The following ADGRG5 variants were observed in gnomAD, a reference collection of about 807,000 sequenced individuals.
ADGRG5 encodes adhesion G protein-coupled receptor G5, also known as G protein-coupled receptor 114.
A neutral mutation model predicts 53.2 loss-of-function variants in ADGRG5; 37 were observed. The observed-to-expected ratio is 0.70, with a 90% CI of 0.53 to 0.91. ADGRG5 has a LOEUF of 0.91. ADGRG5 is among the 40% of genes least tolerant of loss of function. The pLI is 0.00. For synonymous variants in ADGRG5, 277 were observed against 290.4 expected, an observed-to-expected ratio of 0.95 and a Z score of 0.47; for missense variants, 614 against 675.8, an observed-to-expected ratio of 0.91 and a Z score of 1.01.
intron 7 of ADGRG5, 42 bp from the exon 8 acceptor site, chr16:57,567,428 G>A (rs763815749): frequency 7.5e-6 from 12 of 1,597,488 alleles, no homozygotes; most frequent in East Asian, 6.7e-5. Context: ...GAGGAAGGGC[G>A]ATACTATGCT....
At chr16:57,562,341 G>A (rs747938004) in intron 2 of ADGRG5, 43 bp from the exon 3 acceptor site, 1 of 1,537,728 alleles carries the variant, frequency 6.5e-7, no homozygotes, top group Non-Finnish European at 8.9e-7. Context: ...TGGGGCCAGA[G>A]GGCAGTTGAG....
At chr16:57,534,018 C>T in the ADGRG5 span, among the ~76,000 whole-genome samples, 1 of 152,210 alleles carries the variant, frequency 6.6e-6, no homozygotes, top group African/African-American at 2.4e-5. Context: ...GTTGTCCTGC[C>T]TCCCAACAGC....
rs375540420 is a variant in ADGRG5, at chr16:57,575,918, G to C, written c.*380G>C. On this transcript the variant is annotated 3_prime_UTR_variant, in exon 12 of 12. Coordinates refer to ENST00000349457, the MANE Select transcript of ADGRG5 (RefSeq NM_001304376.3). ...TCACAGACCCTAGGTATCCACAGCT[G>C]TGACATGGGGGCAAGCGGCTTTGTT... 1.4e-4 allele frequency: 26 copies of C among 185,742 alleles called. No homozygotes were observed. The East Asian group carries it at 1.7e-3, about 12-fold the overall frequency. 11.5% of individuals were successfully genotyped at this position (185,742 alleles called of 1,614,324 possible).
Position 57,568,268 on chromosome 16 carries a change from C to G in ADGRG5, c.1090+144C>G, listed in dbSNP as rs930518712. 24 of 759,360 alleles carry G rather than the reference C, an allele frequency of 3.2e-5. No individual in the cohort carries two copies. In the African/African-American group the frequency reaches 3.8e-4, roughly 12 times the overall value. The allele number at this position is 759,360 out of a possible 1,614,324, so 47.0% of individuals were successfully genotyped here. On this transcript the variant is annotated intron_variant, in intron 9 of 11. Coordinates refer to ENST00000349457, the MANE Select transcript of ADGRG5 (RefSeq NM_001304376.3). ...CTGTGAACTCTGTCTACACCCACCTCTACTTTCTATGTTACTAATTTTATC... is the reference window on the plus strand; with the variant it reads ...CTGTGAACTCTGTCTACACCCACCTGTACTTTCTATGTTACTAATTTTATC...
chr16:57,572,622 G>T (rs527298730), intron 10 of ADGRG5, among the ~76,000 whole-genome samples: 1 of 152,228 alleles, frequency 6.6e-6, no homozygotes, highest in East Asian at 1.9e-4. Context: ...AACCCGGGAG[G>T]TGGAGATTGC....
the ADGRG5 span, chr16:57,536,649 G>T: frequency 0.33 from 50,749 of 151,672 alleles, 8,561 homozygotes; most frequent in East Asian, 0.46. Context: ...AGGGGGAGCG[G>T]CGGGGCCCCC....
At chr16:57,533,544 A>C in the ADGRG5 span, among the ~76,000 whole-genome samples, 5 of 150,040 alleles carry the variant, frequency 3.3e-5, no homozygotes, top group Non-Finnish European at 5.9e-5. Context: ...ACTCACACAC[A>C]CACCCCCAGG....
intron 1 of ADGRG5, among the ~76,000 whole-genome samples, chr16:57,544,620 C>A (rs72791645): frequency 0.077 from 11,657 of 152,174 alleles, 576 homozygotes; most frequent in East Asian, 0.19. Flanking sequence ...ATCTATCTCT[C>A]TGGGCCTCAG....
the ADGRG5 span, chr16:57,536,411 C>G: frequency 6.6e-6 from 1 of 152,318 alleles, no homozygotes; most frequent in African/African-American, 2.4e-5. Flanking sequence ...CACAACTTAA[C>G]CCCTTCCTTC....
At chr16:57,552,452 ACTG>A (rs1317158710) in intron 1 of ADGRG5, among the ~76,000 whole-genome samples, 2 of 152,204 alleles carry the variant, frequency 1.3e-5, no homozygotes, top group Admixed American at 1.3e-4. Flanking sequence ...TTCACTTTGT[ACTG>A]CTATGTCATG....
chr16:57,547,009 G>A (rs1234690302), intron 1 of ADGRG5, among the ~76,000 whole-genome samples: 1 of 152,164 alleles, frequency 6.6e-6, no homozygotes, highest in African/African-American at 2.4e-5. Flanking sequence ...ACTGCACCTG[G>A]CCTGTCCAGA....
Position 57,567,940 on chromosome 16 carries a change from C to T in ADGRG5, c.906C>T (p.Pro302=), listed in dbSNP as rs775503263. The T allele has an allele frequency of 8.7e-6, 14 of 1,613,916 alleles. No homozygotes were observed. The highest frequency in any genetic ancestry group is 1.1e-5 in the South Asian group (1 of 91,076). Residue 302 remains proline (P), a synonymous_variant, in exon 9 of 12, where the codon CCC becomes CCT. Coordinates refer to ENST00000349457, the MANE Select transcript of ADGRG5 (RefSeq NM_001304376.3). ...LLLNIAFLLS[P]AFAMSPVPGS... ...TGAACATCGCCTTCCTGCTGAGCCC[C>T]GCATTCGCAATGTCTCCTGTGCCCG...
chr16:57,565,143 A>G lies in ADGRG5; in HGVS notation c.539A>G (p.Gln180Arg), dbSNP rs553556153. Residue 180 changes from glutamine (Q) to arginine (R), a missense_variant, in exon 6 of 12, where the codon CAA becomes CGA. Physicochemically the swap from Gln to Arg is conservative, Grantham distance 43. Transcript: ENST00000349457. ...GTGAACATCAGCTTCTGGCACAACC[A>G]AAGCCTGGTACTGCTGGGGGCGCCC... The part of the protein sequence containing the change: ...DPVNISFWHN[Q>R]SLEGYTLTCV... The G allele has an allele frequency of 6.2e-7, 1 of 1,608,894 alleles. No individual in the cohort carries two copies. Among genetic ancestry groups the G allele is most frequent in the South Asian group, 1.1e-5 (1 of 90,962 alleles).
At chr16:57,535,899 C>A in the ADGRG5 span, among the ~76,000 whole-genome samples, 4 of 152,136 alleles carry the variant, frequency 2.6e-5, no homozygotes, top group Non-Finnish European at 5.9e-5. Context: ...GTGGACACCA[C>A]CCCCACCTAA....
At chr16:57,529,217 G>A in the ADGRG5 span, 1 of 1,153,432 alleles carries the variant, frequency 8.7e-7, no homozygotes, top group East Asian at 4.0e-5. The surrounding 1 kb of genome is among the most constrained non-coding windows in gnomAD (Gnocchi z 4.1). Flanking sequence ...CTCGCGGTCG[G>A]GCTCAGGGGC....
upstream of ADGRG5, among the ~76,000 whole-genome samples, chr16:57,538,149 G>A (rs2032434253): frequency 6.6e-6 from 1 of 152,178 alleles, no homozygotes; most frequent in African/African-American, 2.4e-5. Flanking sequence ...ATATTGTCCT[G>A]AGGATGTCTT....
the ADGRG5 span, among the ~76,000 whole-genome samples, chr16:57,532,034 T>C: frequency 6.6e-6 from 1 of 152,246 alleles, no homozygotes; most frequent in East Asian, 1.9e-4. Context: ...GCATGAGGTC[T>C]AGGCCCAGCT....
upstream of ADGRG5, among the ~76,000 whole-genome samples, chr16:57,538,482 G>A (rs758009528): frequency 6.6e-6 from 1 of 152,054 alleles, no homozygotes. Context: ...GTACGCTCCT[G>A]TAGCCCCAGC....
the ADGRG5 span, among the ~76,000 whole-genome samples, chr16:57,533,413 C>T: frequency 6.6e-6 from 1 of 152,024 alleles, no homozygotes; most frequent in Admixed American, 6.5e-5. Flanking sequence ...CTCCCCCTAC[C>T]CTGCCCCACT....
Sources: allele counts gnomAD v4.1 joint callset (sites outside exome capture counted in the v4.1 genomes callset), GRCh38; gene constraint gnomAD v4.1.1; non-coding constraint Gnocchi (gnomAD v3.1); transcripts MANE v1.5; gene names NCBI Gene and HGNC (gene_info 2026-07-23, HGNC 2026-07-21).